The following PEAK1 variants were observed in gnomAD, a reference collection of about 807,000 sequenced individuals.
The protein encoded by PEAK1 is inactive tyrosine-protein kinase PEAK1.
PEAK1 carries 54 observed loss-of-function variants against 124.7 expected under a neutral mutation model. That is an observed-to-expected ratio of 0.43 (90% CI 0.35 to 0.54). The LOEUF is 0.54. Ranked by LOEUF, PEAK1 falls within the 20% of genes least tolerant of loss-of-function variation. The pLI, the probability that PEAK1 is intolerant of heterozygous loss-of-function variation, is 0.01. For missense variants in PEAK1, 2,046 were observed against 2,134.5 expected, an observed-to-expected ratio of 0.96 and a Z score of 0.82; for synonymous variants, 719 against 760.0, an observed-to-expected ratio of 0.95 and a Z score of 0.89.
chr15:77,360,093 A>T (rs558877060), intron 2 of PEAK1, among the ~76,000 whole-genome samples: 2 of 152,352 alleles, frequency 1.3e-5, no homozygotes, highest in South Asian at 4.1e-4. Context: ...AACAGAATTG[A>T]AAGTCCAGAA....
intron 5 of PEAK1, 121 bp from the exon 6 acceptor site, chr15:77,252,647 T>C (rs994657203): frequency 1.7e-6 from 1 of 583,394 alleles, no homozygotes. Context: ...ATCTAATTCA[T>C]TTAAGGAATA....
intron 7 of PEAK1, chr15:77,177,879 T>A (rs2056981191): frequency 6.6e-6 from 1 of 152,208 alleles, no homozygotes; most frequent in South Asian, 2.1e-4. Context: ...TAACAATTTT[T>A]ATTGATCTTG....
intron 5 of PEAK1, among the ~76,000 whole-genome samples, chr15:77,283,112 C>T (rs1042548091): frequency 1.3e-5 from 2 of 152,096 alleles, no homozygotes; most frequent in African/African-American, 4.8e-5. Flanking sequence ...AGCAGCTGGG[C>T]AAGAGAATCT....
Position 77,351,632 on chromosome 15 carries a change from T to C in PEAK1, c.-603+13531A>G, listed in dbSNP as rs1370183388. 3.6e-6 allele frequency: 3 copies of C among 837,842 alleles called. No homozygotes were observed. The African/African-American group carries it at 5.5e-5, about 15-fold the overall frequency. 51.9% of individuals were successfully genotyped at this position (837,842 alleles called of 1,614,324 possible). A position where few individuals can be genotyped will look rare whatever the true frequency, so the allele number is the denominator to read the frequency against. Reference sequence around the variant, plus strand: ...TCCCACACTGTGGCATGTACGTTCATTTTCAATAAATCCCTTCATTCCTTC... The same window carrying C: ...TCCCACACTGTGGCATGTACGTTCACTTTCAATAAATCCCTTCATTCCTTC... On this transcript the variant is annotated intron_variant, in intron 2 of 9. Transcript: ENST00000682557.
chr15:77,238,924 C>G (rs1356322489), intron 6 of PEAK1, among the ~76,000 whole-genome samples: 1 of 152,154 alleles, frequency 6.6e-6, no homozygotes, highest in Non-Finnish European at 1.5e-5. Context: ...GTATTCCAGT[C>G]CTACACATAT....
At chr15:77,262,816 C>T (rs2152941264) in intron 5 of PEAK1, among the ~76,000 whole-genome samples, 1 of 152,154 alleles carries the variant, frequency 6.6e-6, no homozygotes, top group African/African-American at 2.4e-5. Flanking sequence ...TTCAGCACCA[C>T]ACCACACCTA....
intron 9 of PEAK1, among the ~76,000 whole-genome samples, chr15:77,119,155 C>T (rs917318588): frequency 2.2e-5 from 3 of 137,778 alleles, no homozygotes; most frequent in South Asian, 2.3e-4. Flanking sequence ...GGGAACTCCT[C>T]GTGTGAAGAG....
chr15:77,166,863 C>T (rs1332137932), intron 7 of PEAK1, among the ~76,000 whole-genome samples: 4 of 152,158 alleles, frequency 2.6e-5, no homozygotes, highest in African/African-American at 9.7e-5. Flanking sequence ...ACCCAGGTCT[C>T]GGTGACTTCA....
chr15:77,355,623 G>C lies in PEAK1; in HGVS notation c.-603+9540C>G, dbSNP rs75097365. ...TCTGTAGGACCCTTTGCTGCAGCCA[G>C]CTCACACCTCTATATGGCCCTCTAT... On this transcript the variant is annotated intron_variant, in intron 2 of 9. Coordinates refer to ENST00000682557, the MANE Select transcript of PEAK1 (RefSeq NM_001385026.1). 9.5e-4 allele frequency: 311 copies of C among 327,936 alleles called. 8 individuals carry two copies. The East Asian group carries it at 0.044, about 47-fold the overall frequency. 20.3% of individuals were successfully genotyped at this position (327,936 alleles called of 1,614,324 possible).
chr15:77,403,777 A>G (rs1174163475), intron 1 of PEAK1: 7 of 975,612 alleles, frequency 7.2e-6, no homozygotes, highest in African/African-American at 3.5e-5. Flanking sequence ...TATTTTTCAC[A>G]TGACCACAAA....
intron 1 of PEAK1, chr15:77,403,876 T>G: frequency 1.0e-6 from 1 of 984,860 alleles, no homozygotes; most frequent in Non-Finnish European, 1.2e-6. Flanking sequence ...ATGCCACAAA[T>G]TCATTTTAGA....
chr15:77,229,131 T>A (rs2059799122), intron 6 of PEAK1, among the ~76,000 whole-genome samples: 1 of 152,070 alleles, frequency 6.6e-6, no homozygotes, highest in South Asian at 2.1e-4. Context: ...TCAACAGAGA[T>A]CAGGTACCAA....
At chr15:77,419,572 G>A in intron 1 of PEAK1, 1 of 985,214 alleles carries the variant, frequency 1.0e-6, no homozygotes, top group Non-Finnish European at 1.2e-6. Context: ...TGACCGTGTG[G>A]ACCCGGCAGG....
At chr15:77,252,200 G>C (rs117978019) in intron 6 of PEAK1, among the ~76,000 whole-genome samples, 167 bp downstream of exon 6, 2,347 of 152,270 alleles carry the variant, frequency 0.015, 34 homozygotes, top group Middle Eastern at 0.034. Flanking sequence ...AAATTCTTTT[G>C]AGCAAACATT....
rs916234030 is a variant in PEAK1 at position 77,266,864 on chromosome 15, C to G, written c.-274-14338G>C. Among the ~76,000 whole-genome samples, 3 of 152,066 alleles carry G rather than the reference C, an allele frequency of 2.0e-5. No individual in the cohort carries two copies. The East Asian group carries it at 5.8e-4, about 29-fold the overall frequency. On this transcript the variant is annotated intron_variant, in intron 5 of 9. Coordinates refer to ENST00000682557, the MANE Select transcript of PEAK1 (RefSeq NM_001385026.1). ...GAAGGAGCTGGATTGCTGCTGTAGG[C>G]TCTGTGGGACAGCCAAGGAACTCTG...
chr15:77,221,249 G>T (rs1275048229), intron 6 of PEAK1, among the ~76,000 whole-genome samples: 4 of 152,030 alleles, frequency 2.6e-5, no homozygotes, highest in Non-Finnish European at 5.9e-5. Context: ...CAGTCACTTG[G>T]GAGGGATTAT....
intron 1 of PEAK1, among the ~76,000 whole-genome samples, chr15:77,411,213 A>G (rs1462911464): frequency 6.6e-6 from 1 of 152,142 alleles, no homozygotes; most frequent in East Asian, 1.9e-4. Flanking sequence ...TTGATTTACA[A>G]CCCTGCTTGT....
At chr15:77,127,348 G>C (rs998891053) in intron 9 of PEAK1, among the ~76,000 whole-genome samples, 9 of 152,204 alleles carry the variant, frequency 5.9e-5, no homozygotes, top group Non-Finnish European at 8.8e-5. Flanking sequence ...ATGAGATTTT[G>C]ATACTGAGAA....
At chr15:77,101,771 C>T (rs902599366) in exon 7 of PEAK1, 10 of 152,114 alleles carry the variant, frequency 6.6e-5, no homozygotes, top group African/African-American at 4.8e-5. Context: ...GTCACTTTGA[C>T]CTTGGAGATC....
Sources: gnomAD v4.1 joint callset for allele counts (sites outside exome capture counted in the v4.1 genomes callset) on GRCh38, gnomAD v4.1.1 for gene constraint, MANE v1.5 for transcripts, NCBI Gene and HGNC (gene_info 2026-07-23, HGNC 2026-07-21) for gene names.